ITGA11: variants seen among roughly 807,000 people sequenced by gnomAD.
The protein encoded by ITGA11 is integrin alpha-11.
A neutral mutation model predicts 141.9 loss-of-function variants in ITGA11; 97 were observed. That is an observed-to-expected ratio of 0.68 (90% CI 0.58 to 0.81). The LOEUF (loss-of-function observed/expected upper bound fraction) is 0.81. ITGA11 is among the 30% of genes least tolerant of loss of function. ITGA11 has a pLI of 0.00. For missense variants in ITGA11, 1,387 were observed against 1,559.2 expected (o/e 0.89, Z 1.86); for synonymous variants, 658 against 624.6 (o/e 1.05, Z -0.80).
Position 68,369,270 on chromosome 15 carries a change from G to A in ITGA11, c.179C>T (p.Ala60Val), listed in dbSNP as rs1463204784. 2 of 1,612,556 alleles carry A rather than the reference G, an allele frequency of 1.2e-6. No individual in the cohort carries two copies. The highest frequency in any genetic ancestry group is 2.2e-5 in the East Asian group (1 of 44,806). The change falls in exon 3 of 30, where the codon GCC (alanine) becomes GTC (valine). Residue 60 changes from alanine to valine, a missense_variant. Ala to Val is a moderately conservative substitution (Grantham distance 64). Transcript: ENST00000315757. Reference protein sequence around the residue: ...ISGNKWLVVGAPLETNGYQKT... With the variant: ...ISGNKWLVVGVPLETNGYQKT... ...CTGGTAGCCATTGGTTTCCAGTGGG[G>A]CGCCCACGACCAGCCTGGGAAGGAA...
intron 1 of ITGA11, among the ~76,000 whole-genome samples, chr15:68,430,615 A>G (rs1897246769): frequency 6.6e-6 from 1 of 152,192 alleles, no homozygotes; most frequent in Non-Finnish European, 1.5e-5. Flanking sequence ...TCCTAGTGAT[A>G]TGAGGACAGT....
At chr15:68,309,817 C>G (rs1188558806) in intron 26 of ITGA11, among the ~76,000 whole-genome samples, 2 of 152,138 alleles carry the variant, frequency 1.3e-5, no homozygotes, top group African/African-American at 4.8e-5. Context: ...TCTCGAGCTC[C>G]TGACCTCAAG....
chr15:68,366,540 G>A (rs559933263), intron 3 of ITGA11, among the ~76,000 whole-genome samples: 51 of 152,222 alleles, frequency 3.4e-4, no homozygotes, highest in African/African-American at 1.2e-3. Flanking sequence ...TTTAAGGAAC[G>A]CAGACCTCAC....
Position 68,335,558 on chromosome 15 carries a change from C to T in ITGA11, c.1425+139G>A. 3.1e-6 allele frequency: 3 copies of T among 958,444 alleles called. No individual in the cohort carries two copies. Among genetic ancestry groups the T allele is most frequent in the Non-Finnish European group, 4.7e-6 (3 of 635,526 alleles). 59.4% of individuals were successfully genotyped at this position (958,444 alleles called of 1,614,324 possible). ...GGATGCGCACTCCTGCCACTCCTGGCAGCATGAAGGTGGCTGGAGGAACAT... is the reference window on the plus strand; with the variant it reads ...GGATGCGCACTCCTGCCACTCCTGGTAGCATGAAGGTGGCTGGAGGAACAT... On this transcript the variant is annotated intron_variant, in intron 12 of 29. Transcript: ENST00000315757. This position sits in a 1 kb window ranked among gnomAD's most constrained non-coding sequence, Gnocchi z 4.9.
chr15:68,349,818 G>A (rs1359423710), intron 9 of ITGA11, among the ~76,000 whole-genome samples: 1 of 152,212 alleles, frequency 6.6e-6, no homozygotes, highest in Admixed American at 6.5e-5. Flanking sequence ...TGCTTTTGGT[G>A]GAGTGGAAGC....
chr15:68,431,874 T>G (rs1897276951), intron 1 of ITGA11, 141 bp downstream of exon 1: 2 of 519,076 alleles, frequency 3.9e-6, no homozygotes. Context: ...GGCCAGTCCC[T>G]GGGGGACCCA....
chr15:68,312,916 G>T, intron 23 of ITGA11, 53 bp from the exon 24 acceptor site: 1 of 1,313,684 alleles, frequency 7.6e-7, no homozygotes. Flanking sequence ...CTGGCTGGAT[G>T]GACAGATGAA....
intron 2 of ITGA11, among the ~76,000 whole-genome samples, chr15:68,395,050 C>T (rs761761174): frequency 5.9e-5 from 9 of 152,122 alleles, no homozygotes; most frequent in Non-Finnish European, 1.3e-4. Context: ...TGGAGTGGAC[C>T]TCCTGCAAAC....
At chr15:68,397,203 A>T (rs190174380) in intron 2 of ITGA11, among the ~76,000 whole-genome samples, 34 of 34 alleles carry the variant, frequency 1, 17 homozygotes, top group Non-Finnish European at 1. Context: ...TATATATTAT[A>T]TATTATATAA....
chr15:68,375,082 C>A (rs765433646), intron 2 of ITGA11, among the ~76,000 whole-genome samples: 4 of 152,144 alleles, frequency 2.6e-5, no homozygotes, highest in Non-Finnish European at 4.4e-5. Context: ...AGGCTCAGTG[C>A]TCAGAGAGGA....
Position 68,322,509 on chromosome 15 carries a change from T to A in ITGA11, c.2323-1006A>T, listed in dbSNP as rs1260361309. Among the ~76,000 whole-genome samples the A allele has an allele frequency of 6.6e-6, 1 of 151,566 alleles. No homozygotes were observed. The highest frequency in any genetic ancestry group is 2.4e-5 in the African/African-American group (1 of 41,200). Reference sequence around the variant, plus strand: ...TTGTCGGGGCTGAGGGAGAAAGGGGTCCAGGGTGTCAGCTGAGTTTCTTTT... The same window carrying A: ...TTGTCGGGGCTGAGGGAGAAAGGGGACCAGGGTGTCAGCTGAGTTTCTTTT... On this transcript the variant is annotated intron_variant, in intron 18 of 29. Transcript: ENST00000315757. The surrounding 1 kb of genome is among the most constrained non-coding windows in gnomAD (Gnocchi z 5.6).
intron 2 of ITGA11, among the ~76,000 whole-genome samples, chr15:68,372,334 C>G (rs192603757): frequency 1.3e-5 from 2 of 152,048 alleles, no homozygotes; most frequent in African/African-American, 2.4e-5. Context: ...CCTGCCACCC[C>G]CTGCAGCCTC....
At chr15:68,400,635 TATA>T (rs1272128316) in intron 2 of ITGA11, among the ~76,000 whole-genome samples, 1,703 of 74,490 alleles carry the variant, frequency 0.023, 33 homozygotes, top group Non-Finnish European at 0.031. Flanking sequence ...TAATAAATAT[TATA>T]ATATTATATA....
At chr15:68,416,528 A>G (rs1345542864) in intron 1 of ITGA11, among the ~76,000 whole-genome samples, 1 of 152,258 alleles carries the variant, frequency 6.6e-6, no homozygotes, top group Non-Finnish European at 1.5e-5. Flanking sequence ...ACTTTAAAGC[A>G]GCAAACAGCA....
rs1156389551 is a variant in ITGA11 at position 68,297,862 on chromosome 15, A to G, written c.*5197T>C. ...AAAAAACATTTAGTGCCACCCTCTC[A>G]TTTTATAGTTCAGGACACAAGCCCA... On this transcript the variant is annotated 3_prime_UTR_variant, in exon 30 of 30. Transcript: ENST00000315757. 6.6e-6 allele frequency: 1 copy of G among 152,030 alleles called. No homozygotes were observed. The highest frequency in any genetic ancestry group is 2.4e-5 in the African/African-American group (1 of 41,392). The allele number at this position is 152,030 out of a possible 1,614,324, so 9.4% of individuals were successfully genotyped here.
Position 68,307,249 on chromosome 15 carries a change from C to A in ITGA11, c.3381+99G>T. 1 of 809,032 alleles carries A rather than the reference C, an allele frequency of 1.2e-6. No individual in the cohort carries two copies. The highest frequency in any genetic ancestry group is 2.0e-6 in the Non-Finnish European group (1 of 503,704). The allele number at this position is 809,032 out of a possible 1,614,324, so 50.1% of individuals were successfully genotyped here. A position where few individuals can be genotyped will look rare whatever the true frequency, so the allele number is the denominator to read the frequency against. On this transcript the variant is annotated intron_variant, in intron 28 of 29. Transcript: ENST00000315757. The surrounding 1 kb of genome is among the most constrained non-coding windows in gnomAD (Gnocchi z 6.1). ...CCTGATTCTCTCCTGCTGGGACATG[C>A]AGCCAGGGGTTGTAGGAAAACTCTA...
chr15:68,316,027 A>G (rs568943271), intron 21 of ITGA11, among the ~76,000 whole-genome samples: 2 of 152,332 alleles, frequency 1.3e-5, no homozygotes, highest in East Asian at 3.9e-4. Context: ...GCAACCAGAA[A>G]GCAGCAAGTC....
At chr15:68,416,487 A>G (rs1270257533) in intron 1 of ITGA11, among the ~76,000 whole-genome samples, 1 of 152,244 alleles carries the variant, frequency 6.6e-6, no homozygotes, top group Non-Finnish European at 1.5e-5. Flanking sequence ...CTGGTTAAGC[A>G]GATGTCAAGC....
intron 3 of ITGA11, among the ~76,000 whole-genome samples, chr15:68,367,765 T>C (rs1410879756): frequency 6.6e-6 from 1 of 152,194 alleles, no homozygotes; most frequent in African/African-American, 2.4e-5. Context: ...CTAAGGGTTG[T>C]CGAGTCCAGC....
Sources: gnomAD v4.1 joint callset for allele counts (sites outside exome capture counted in the v4.1 genomes callset) on GRCh38, gnomAD v4.1.1 for gene constraint, Gnocchi (gnomAD v3.1) non-coding constraint, MANE v1.5 for transcripts, NCBI Gene and HGNC (gene_info 2026-07-23, HGNC 2026-07-21) for gene names.